Variants in XYLT1 observed in about 807,000 individuals in gnomAD.
XYLT1 encodes beta-D-xylosyltransferase 1.
XYLT1 carries 36 observed loss-of-function variants against 91.3 expected under a neutral mutation model. That is an observed-to-expected ratio of 0.39 (90% CI 0.30 to 0.52). The LOEUF (loss-of-function observed/expected upper bound fraction) is 0.52, where lower values mean the gene tolerates loss of function less well. Among genes scored for constraint, XYLT1 ranks in the 20% least tolerant of loss-of-function variants. The probability of loss-of-function intolerance (pLI) is 0.68; values close to 1 mark genes in which losing one functional copy is unlikely to be tolerated. For synonymous variants in XYLT1, 588 were observed against 532.0 expected (o/e 1.11, Z -1.45); for missense variants, 1,242 against 1,284.5 (o/e 0.97, Z 0.51).
At chr16:17,402,144 AAAACACAC>A (rs2035976909) in intron 1 of XYLT1, among the ~76,000 whole-genome samples, 1 of 133,154 alleles carries the variant, frequency 7.5e-6, no homozygotes, top group South Asian at 2.3e-4. Context: ...ACAAAAAAAA[AAAACACAC>A]ACACACACAC....
intron 8 of XYLT1, 50 bp from the exon 9 acceptor site, chr16:17,134,785 G>T: frequency 6.2e-7 from 1 of 1,601,084 alleles, no homozygotes; most frequent in Non-Finnish European, 8.5e-7. Flanking sequence ...GAGTGCTGGG[G>T]GTTGGGGGGA....
At chr16:17,185,346 A>G (rs547011519) in intron 5 of XYLT1, among the ~76,000 whole-genome samples, 2 of 152,360 alleles carry the variant, frequency 1.3e-5, no homozygotes, top group East Asian at 1.9e-4. Flanking sequence ...CAACAGTCCG[A>G]GCAGATACAC....
chr16:17,434,919 A>T (rs553788210), intron 1 of XYLT1, among the ~76,000 whole-genome samples: 13 of 152,328 alleles, frequency 8.5e-5, no homozygotes, highest in Admixed American at 6.5e-4. Context: ...CAATCCCAAC[A>T]ACACAGGTGT....
intron 1 of XYLT1, among the ~76,000 whole-genome samples, chr16:17,456,178 G>A (rs942899710): frequency 6.6e-6 from 1 of 151,848 alleles, no homozygotes; most frequent in Non-Finnish European, 1.5e-5. Flanking sequence ...CTTCCTAGAT[G>A]TCCACGTCCA....
chr16:17,401,731 T>C (rs553504340), intron 1 of XYLT1, among the ~76,000 whole-genome samples: 284 of 151,932 alleles, frequency 1.9e-3, no homozygotes, highest in Middle Eastern at 3.4e-3. Flanking sequence ...TTATTATTAT[T>C]ATATCAACTT....
At chr16:17,433,688 T>C (rs1345326584) in intron 1 of XYLT1, among the ~76,000 whole-genome samples, 2 of 152,154 alleles carry the variant, frequency 1.3e-5, no homozygotes, top group African/African-American at 4.8e-5. Context: ...CGAGGAGGCT[T>C]TGGGGTCTGA....
intron 1 of XYLT1, among the ~76,000 whole-genome samples, chr16:17,418,399 C>T (rs980135918): frequency 1.3e-5 from 2 of 152,190 alleles, no homozygotes; most frequent in African/African-American, 2.4e-5. Context: ...TAGCCTAATG[C>T]TCCCTTAAAA....
intron 8 of XYLT1, among the ~76,000 whole-genome samples, chr16:17,137,905 G>C (rs757463755): frequency 2.0e-5 from 3 of 152,166 alleles, no homozygotes; most frequent in Non-Finnish European, 4.4e-5. Flanking sequence ...TGTCCCAACA[G>C]AGAATCATCC....
intron 2 of XYLT1, among the ~76,000 whole-genome samples, chr16:17,295,565 G>A (rs148668205): frequency 5.9e-5 from 9 of 152,110 alleles, no homozygotes; most frequent in African/African-American, 9.6e-5. Flanking sequence ...CAGGTTGGCC[G>A]GGCTGGTCTC....
At chr16:17,418,967 T>C (rs1203079280) in intron 1 of XYLT1, among the ~76,000 whole-genome samples, 1 of 151,904 alleles carries the variant, frequency 6.6e-6, no homozygotes, top group Non-Finnish European at 1.5e-5. Context: ...GATATCTAAA[T>C]GAATGGGTAT....
At chr16:17,417,238 A>G (rs1486907443) in intron 1 of XYLT1, among the ~76,000 whole-genome samples, 1 of 152,230 alleles carries the variant, frequency 6.6e-6, no homozygotes, top group East Asian at 1.9e-4. Flanking sequence ...TCCTCACAAC[A>G]GCCTCGTATA....
At chr16:17,286,565 T>C (rs1303635189) in intron 2 of XYLT1, among the ~76,000 whole-genome samples, 1 of 152,210 alleles carries the variant, frequency 6.6e-6, no homozygotes. Flanking sequence ...TAAAACTGGC[T>C]TAGCTAATAC....
chr16:17,204,509 A>G (rs1219998850), intron 3 of XYLT1, among the ~76,000 whole-genome samples: 9 of 151,884 alleles, frequency 5.9e-5, no homozygotes, highest in Admixed American at 3.9e-4. Flanking sequence ...ATATCTAAAG[A>G]AAGGAGACAT....
chr16:17,376,907 T>C (rs540972251), intron 1 of XYLT1, among the ~76,000 whole-genome samples: 2 of 149,142 alleles, frequency 1.3e-5, no homozygotes, highest in African/African-American at 5.0e-5. Context: ...CCAGGTGTGG[T>C]GGCTCACACC....
chr16:17,258,913 T>C, intron 3 of XYLT1, 75 bp downstream of exon 3: 1 of 1,424,894 alleles, frequency 7.0e-7, no homozygotes, highest in Non-Finnish European at 9.2e-7. Context: ...TCTGAGAAGG[T>C]GAGCAGAATG....
chr16:17,357,942 C>CG (rs1395807771), intron 2 of XYLT1, 70 bp downstream of exon 2: 2 of 1,559,224 alleles, frequency 1.3e-6, no homozygotes, highest in African/African-American at 2.7e-5. Flanking sequence ...TTCAGAGCCA[C>CG]GGGACAAGTC....
At chr16:17,273,843 CA>C (rs567464047) in intron 2 of XYLT1, among the ~76,000 whole-genome samples, 22,121 of 111,974 alleles carry the variant, frequency 0.2, 1,680 homozygotes, top group Admixed American at 0.23. Flanking sequence ...GAATCTGTCT[CA>C]AAAAAAAAAA....
chr16:17,453,336 GAGA>G (rs2036692587), intron 1 of XYLT1, among the ~76,000 whole-genome samples: 1 of 152,188 alleles, frequency 6.6e-6, no homozygotes, highest in South Asian at 2.1e-4. Context: ...GTTGGCTTAG[GAGA>G]AGAACGGACA....
intron 1 of XYLT1, among the ~76,000 whole-genome samples, chr16:17,453,524 A>G (rs8047118): frequency 0.57 from 86,048 of 152,082 alleles, 28,015 homozygotes; most frequent in African/African-American, 0.89. Context: ...AGAAACTGAC[A>G]CAGGATCCTG....
Sources: allele counts gnomAD v4.1 joint callset (sites outside exome capture counted in the v4.1 genomes callset), GRCh38; gene constraint gnomAD v4.1.1; transcripts MANE v1.5; gene names NCBI Gene and HGNC (gene_info 2026-07-23, HGNC 2026-07-21).